The following KSR2 variants were observed in gnomAD, a reference collection of about 807,000 sequenced individuals.
The protein encoded by KSR2 is kinase suppressor of ras 2.
A neutral mutation model predicts 107.8 loss-of-function variants in KSR2; 25 were observed. The observed-to-expected ratio is 0.23, with a 90% CI of 0.17 to 0.32. KSR2 has a LOEUF of 0.32. Among genes scored for constraint, KSR2 ranks in the 10% least tolerant of loss-of-function variants. The probability of loss-of-function intolerance (pLI) is 1.00; values close to 1 mark genes in which losing one functional copy is unlikely to be tolerated. For synonymous variants in KSR2, 480 were observed against 507.0 expected (o/e 0.95, Z 0.71); for missense variants, 887 against 1,268.9 (o/e 0.70, Z 4.57).
In KSR2 at chr12:117,855,283, GC is replaced by G. The variant is rs1235800689; in HGVS notation, c.472+144del. The stretch of plus-strand genomic sequence containing the variant: ...TCCGGCCTCCAAATCCCAGGTCCAC[GC>G]TGCCTCTTCCTGCGTTTCGGATTTG... On this transcript the variant is annotated intron_variant, in intron 3 of 19. Transcript: ENST00000339824. 18 of 1,024,132 alleles carry G rather than the reference GC, an allele frequency of 1.8e-5. No homozygotes were observed. The Admixed American group carries it at 3.2e-4, about 18-fold the overall frequency. The allele number at this position is 1,024,132 out of a possible 1,614,324, so 63.4% of individuals were successfully genotyped here.
intron 9 of KSR2, among the ~76,000 whole-genome samples, chr12:117,552,242 T>C (rs1877361986): frequency 6.6e-6 from 1 of 152,194 alleles, no homozygotes; most frequent in Non-Finnish European, 1.5e-5. Context: ...GGAAGTACAC[T>C]GAGTGCATTT....
intron 1 of KSR2, among the ~76,000 whole-genome samples, chr12:117,892,036 C>T (rs1368526826): frequency 1.6e-5 from 2 of 128,780 alleles, no homozygotes; most frequent in African/African-American, 3.1e-5. Flanking sequence ...CGGTGGCTGA[C>T]GCCTGTAATC....
chr12:117,957,762 C>CAA (rs139705528), intron 1 of KSR2, among the ~76,000 whole-genome samples: 1 of 151,254 alleles, frequency 6.6e-6, no homozygotes, highest in African/African-American at 2.4e-5. Flanking sequence ...CACACACACA[C>CAA]ACACACACAC....
intron 4 of KSR2, among the ~76,000 whole-genome samples, chr12:117,704,904 T>C (rs553007474): frequency 6.6e-6 from 1 of 151,736 alleles, no homozygotes; most frequent in African/African-American, 2.4e-5. Flanking sequence ...GGGGATGAGA[T>C]TATTTTAATT....
At chr12:117,517,350 G>A (rs1874439400) in intron 14 of KSR2, among the ~76,000 whole-genome samples, 1 of 152,218 alleles carries the variant, frequency 6.6e-6, no homozygotes, top group Non-Finnish European at 1.5e-5. Context: ...CATTCTCTCT[G>A]GCTGGAGGCA....
In KSR2 at chr12:117,539,822, C is replaced by T. The variant is rs753143776; in HGVS notation, c.1584G>A (p.Thr528=). The change falls in exon 10 of 20, where the codon ACG becomes ACA. Residue 528 remains threonine, a synonymous_variant. Transcript: ENST00000339824. ...GGAGGGGGGGTGCTGGCGAGGAGGG[C>T]GTGGAGGACGTCGTGGAGGAGGGGT... ...SSNPSSTTSS[T]PSSPAPPLPP... 2.2e-5 allele frequency: 36 copies of T among 1,609,984 alleles called. No individual in the cohort carries two copies. Among genetic ancestry groups the T allele is most frequent in the East Asian group, 2.0e-4 (9 of 44,532 alleles).
At chr12:117,624,455 CA>C (rs1375260687) in intron 5 of KSR2, among the ~76,000 whole-genome samples, 1 of 152,156 alleles carries the variant, frequency 6.6e-6, no homozygotes, top group Admixed American at 6.5e-5. Flanking sequence ...CCAGTTTTCC[CA>C]GCACCATTTA....
At chr12:117,790,685 G>A (rs931195103) in intron 3 of KSR2, among the ~76,000 whole-genome samples, 1 of 152,144 alleles carries the variant, frequency 6.6e-6, no homozygotes, top group Admixed American at 6.6e-5. Flanking sequence ...TGGCAGGCAG[G>A]TTTGCCAGCT....
chr12:117,483,184 ATGG>A (rs1872269531), intron 16 of KSR2, among the ~76,000 whole-genome samples: 1 of 152,144 alleles, frequency 6.6e-6, no homozygotes, highest in Non-Finnish European at 1.5e-5. Flanking sequence ...TTTGTAGACT[ATGG>A]TTAATCTTTC....
intron 1 of KSR2, among the ~76,000 whole-genome samples, chr12:117,860,752 T>A (rs1169138196): frequency 6.6e-6 from 1 of 152,168 alleles, no homozygotes; most frequent in Middle Eastern, 3.2e-3. Context: ...GGAGTTTTGC[T>A]CTTTCACCCA....
chr12:117,657,259 G>A (rs1393349661), intron 5 of KSR2, among the ~76,000 whole-genome samples: 1 of 151,844 alleles, frequency 6.6e-6, no homozygotes, highest in Non-Finnish European at 1.5e-5. Context: ...GGGCCATCTT[G>A]TCACCAAATA....
At chr12:117,962,449 G>GTT (rs71099094) in intron 1 of KSR2, among the ~76,000 whole-genome samples, 4 of 143,116 alleles carry the variant, frequency 2.8e-5, no homozygotes, top group Admixed American at 7.0e-5. Flanking sequence ...TGTTTTTTGG[G>GTT]TTTTTTTTTT....
At chr12:117,905,056 C>T (rs1894796506) in intron 1 of KSR2, among the ~76,000 whole-genome samples, 1 of 152,062 alleles carries the variant, frequency 6.6e-6, no homozygotes, top group African/African-American at 2.4e-5. Flanking sequence ...GTGGTGTGCA[C>T]CTGTAGTACC....
intron 5 of KSR2, among the ~76,000 whole-genome samples, chr12:117,614,557 T>TCCTAATTTAATTAA (rs1424220272): frequency 6.6e-6 from 1 of 152,212 alleles, no homozygotes; most frequent in African/African-American, 2.4e-5. Context: ...TTAATATCAC[T>TCCTAATTTAATTAA]ATTAGGAGTA....
intron 1 of KSR2, among the ~76,000 whole-genome samples, chr12:117,911,958 C>T (rs1302907882): frequency 1.3e-5 from 2 of 152,226 alleles, no homozygotes; most frequent in Non-Finnish European, 2.9e-5. Context: ...CTGATGCTAT[C>T]TCCAAAGGAC....
At chr12:117,843,248 C>G (rs1867804) in intron 3 of KSR2, among the ~76,000 whole-genome samples, 126,073 of 152,126 alleles carry the variant, frequency 0.83, 52,945 homozygotes, top group African/African-American at 0.95. Context: ...GAAATTGACT[C>G]ATGGATTTAG....
intron 1 of KSR2, among the ~76,000 whole-genome samples, chr12:117,916,811 A>T (rs1484790461): frequency 6.6e-6 from 1 of 152,258 alleles, no homozygotes; most frequent in Non-Finnish European, 1.5e-5. Context: ...CGCACCATTT[A>T]CTTTCACCAA....
At position 117,859,797 on chromosome 12, in the gene KSR2, C is replaced by T. The variant is rs79912824; in HGVS notation, c.321+494G>A. On this transcript the variant is annotated intron_variant, in intron 2 of 19. Transcript: ENST00000339824. The stretch of plus-strand genomic sequence containing the variant: ...TAAAAATCATCTCATTCTATGATGT[C>T]GGCTATTTAAGAAGAGATGACAATC... Among the ~76,000 whole-genome samples the T allele has an allele frequency of 4.8e-3, 724 of 152,252 alleles. 52 individuals carry two copies. The East Asian group carries it at 0.12, about 25-fold the overall frequency.
At position 117,968,526 on chromosome 12, in the gene KSR2, A is replaced by C; in HGVS notation, c.-271T>G. On this transcript the variant is annotated 5_prime_UTR_variant, in exon 1 of 20. Coordinates refer to ENST00000339824, the MANE Select transcript of KSR2 (RefSeq NM_173598.6). ...TGAGTCTCTGGTCCCTGAAAAGGAGAGATGCTGTTTCTCAGAAGCAAACCA... is the reference window on the plus strand; with the variant it reads ...TGAGTCTCTGGTCCCTGAAAAGGAGCGATGCTGTTTCTCAGAAGCAAACCA... The C allele has an allele frequency of 8.2e-7, 1 of 1,224,142 alleles. No homozygotes were observed. Among genetic ancestry groups the C allele is most frequent in the South Asian group, 3.6e-5 (1 of 28,072 alleles). The allele number at this position is 1,224,142 out of a possible 1,614,324, so 75.8% of individuals were successfully genotyped here. A position where few individuals can be genotyped will look rare whatever the true frequency, so the allele number is the denominator to read the frequency against.
Sources: gnomAD v4.1 joint callset for allele counts (sites outside exome capture counted in the v4.1 genomes callset) on GRCh38, gnomAD v4.1.1 for gene constraint, MANE v1.5 for transcripts, NCBI Gene and HGNC (gene_info 2026-07-23, HGNC 2026-07-21) for gene names.